KCNAB2: variants seen among roughly 807,000 people sequenced by gnomAD.
KCNAB2 encodes the protein potassium voltage-gated channel subfamily A regulatory beta subunit 2, also known as voltage-gated potassium channel subunit beta-2.
KCNAB2 carries 29 observed loss-of-function variants against 63.6 expected under a neutral mutation model. The ratio of observed to expected loss-of-function variants is 0.46; its 90% CI spans 0.34 to 0.62. The LOEUF is 0.62. Among genes scored for constraint, KCNAB2 ranks in the 20% least tolerant of loss-of-function variants. The probability of loss-of-function intolerance (pLI) is 0.01; values close to 1 mark genes in which losing one functional copy is unlikely to be tolerated. For synonymous variants in KCNAB2, 222 were observed against 224.2 expected (o/e 0.99, Z 0.09); for missense variants, 359 against 563.9 (o/e 0.64, Z 3.68).
Position 6,051,694 on chromosome 1 carries a change from T to C in KCNAB2, c.158T>C (p.Leu53Pro), listed in dbSNP as rs1290535823. Residue 53 changes from leucine to proline, a missense_variant, in exon 2 of 16, where the codon CTC becomes CCC. This residue lies in a region of KCNAB2 where 88 missense variants were observed against 87.8 expected (regional missense o/e 1.00). Transcript: ENST00000378083. Reference protein sequence around the residue: ...AAQARNMESFLRMHGLSLDGC... With the variant: ...AAQARNMESFPRMHGLSLDGC... ...CAGGCCAGGAACATGGAGAGCTTCCTCCGCATGCACGGCCTTTCCCTGGAC... is the reference window on the plus strand; with the variant it reads ...CAGGCCAGGAACATGGAGAGCTTCCCCCGCATGCACGGCCTTTCCCTGGAC... 2.0e-6 allele frequency: 3 copies of C among 1,533,692 alleles called. No homozygotes were observed. The highest frequency in any genetic ancestry group is 2.0e-5 in the Admixed American group (1 of 50,974).
Position 6,065,306 on chromosome 1 carries a change from C to T in KCNAB2, c.219-7449C>T, listed in dbSNP as rs549440886. Reference sequence around the variant, plus strand: ...GCAGCTGTCAGCCCGGAGCAGCCAGCGATGGCCTCAGGGGACCAGCCAAGG... The same window carrying T: ...GCAGCTGTCAGCCCGGAGCAGCCAGTGATGGCCTCAGGGGACCAGCCAAGG... On this transcript the variant is annotated intron_variant, in intron 2 of 15. Transcript: ENST00000378083. Among the ~76,000 whole-genome samples, 14 of 152,356 alleles carry T rather than the reference C, an allele frequency of 9.2e-5. No homozygotes were observed. In the East Asian group the frequency reaches 2.3e-3, roughly 25 times the overall value.
chr1:6,039,322 A>T (rs1235402623), intron 1 of KCNAB2, among the ~76,000 whole-genome samples: 3 of 152,228 alleles, frequency 2.0e-5, no homozygotes, highest in Admixed American at 6.5e-5. Flanking sequence ...ATGGGACCAG[A>T]TTCACTTTGG....
In KCNAB2 at chr1:5,994,787, C is replaced by G. The variant is rs553305156; in HGVS notation, c.-53+1999C>G. The stretch of plus-strand genomic sequence containing the variant: ...AAAGGCCGAGGGTGCCATGGGCTGG[C>G]CAGCTAGAGAAGGCTTCCTCGCTTT... On this transcript the variant is annotated intron_variant, in intron 1 of 16. Coordinates refer to the KCNAB2 transcript ENST00000341524. This position sits in a 1 kb window ranked among gnomAD's most constrained non-coding sequence, Gnocchi z 5.4. Among the ~76,000 whole-genome samples, 1 of 152,150 alleles carries G rather than the reference C, an allele frequency of 6.6e-6. No individual in the cohort carries two copies. The highest frequency in any genetic ancestry group is 1.5e-5 in the Non-Finnish European group (1 of 68,036).
At position 6,069,629 on chromosome 1, in the gene KCNAB2, G is replaced by C. The variant is rs964083637; in HGVS notation, c.219-3126G>C. Among the ~76,000 whole-genome samples the C allele has an allele frequency of 2.0e-5, 3 of 152,196 alleles. No homozygotes were observed. Among genetic ancestry groups the C allele is most frequent in the African/African-American group, 7.2e-5 (3 of 41,440 alleles). Reference sequence around the variant, plus strand: ...CGGTAGAAAATGATCTCTGTGTCTGGGAAGTTTCAAGTACAGCAGGGAGCA... The same window carrying C: ...CGGTAGAAAATGATCTCTGTGTCTGCGAAGTTTCAAGTACAGCAGGGAGCA... On this transcript the variant is annotated intron_variant, in intron 2 of 15. Coordinates refer to ENST00000378083, the MANE Select transcript of KCNAB2 (RefSeq NM_001199862.2). This position sits in a 1 kb window ranked among gnomAD's most constrained non-coding sequence, Gnocchi z 5.4.
intron 1 of KCNAB2, chr1:6,040,476 C>A: frequency 1.8e-6 from 2 of 1,105,134 alleles, no homozygotes; most frequent in Non-Finnish European, 2.8e-6. Flanking sequence ...TCTTTTTTAA[C>A]CACCACCCTC....
Position 6,069,073 on chromosome 1 carries a change from G to A in KCNAB2, c.219-3682G>A, listed in dbSNP as rs957428712. 1.3e-5 allele frequency among the ~76,000 whole-genome samples: 2 copies of A among 152,164 alleles called. No homozygotes were observed. Among genetic ancestry groups the A allele is most frequent in the African/African-American group, 4.8e-5 (2 of 41,446 alleles). On this transcript the variant is annotated intron_variant, in intron 2 of 15. Transcript: ENST00000378083. The surrounding 1 kb of genome is among the most constrained non-coding windows in gnomAD (Gnocchi z 5.4). ...ATCGTCCCAAACAAGCACTCCCTGG[G>A]ACCCTGCCACTGCCAGCTCCAATTA...
At chr1:6,040,964 C>T (rs576718248), upstream of KCNAB2, among the ~76,000 whole-genome samples, 2 of 152,362 alleles carry the variant, frequency 1.3e-5, no homozygotes, top group South Asian at 2.1e-4. Context: ...AGTGAGTGCA[C>T]GGCCAACCCC....
rs74520902 is a variant in KCNAB2, at chr1:6,050,909, T to C, written c.-26-602T>C. 1.4e-3 allele frequency among the ~76,000 whole-genome samples: 209 copies of C among 152,338 alleles called. 3 individuals are homozygous for C. The East Asian group carries it at 0.034, about 25-fold the overall frequency. On this transcript the variant is annotated intron_variant, in intron 1 of 15. Transcript: ENST00000378083. ...ATGCGTTCAACAAGCAGGGAATGTG[T>C]TGTATAGATAGCATTTCCCTTTACA...
rs1663037451 is a variant in KCNAB2, at chr1:6,069,679, G to A, written c.219-3076G>A. On this transcript the variant is annotated intron_variant, in intron 2 of 15. Transcript: ENST00000378083. This position sits in a 1 kb window ranked among gnomAD's most constrained non-coding sequence, Gnocchi z 5.4. ...AGCCCCATCCAGACCCGGCTGAGAC[G>A]TGTGCTCCCCACCCCACACGCAGCA... is the stretch of plus-strand genomic sequence containing the variant. 1.3e-5 allele frequency among the ~76,000 whole-genome samples: 2 copies of A among 152,176 alleles called. No individual in the cohort carries two copies. Among genetic ancestry groups the A allele is most frequent in the South Asian group, 2.1e-4 (1 of 4,820 alleles).
chr1:6,082,310 A>G (rs772230846), intron 5 of KCNAB2, 36 bp downstream of exon 5: 1 of 1,537,018 alleles, frequency 6.5e-7, no homozygotes, highest in African/African-American at 1.4e-5. Flanking sequence ...AGTGGTTCAG[A>G]ATGCCTGGGC....
Position 6,003,292 on chromosome 1 carries a change from A to C in KCNAB2, c.-53+10504A>C, listed in dbSNP as rs568780359. 6.6e-6 allele frequency among the ~76,000 whole-genome samples: 1 copy of C among 152,170 alleles called. No individual in the cohort carries two copies. The highest frequency in any genetic ancestry group is 1.9e-4 in the East Asian group (1 of 5,152). ...GCGGGATTCCCCATCCCACCCCTGGAACTTGCTTTCCCTGCTTCCCACACA... is the reference window on the plus strand; with the variant it reads ...GCGGGATTCCCCATCCCACCCCTGGCACTTGCTTTCCCTGCTTCCCACACA... On this transcript the variant is annotated intron_variant, in intron 1 of 16. Coordinates refer to the KCNAB2 transcript ENST00000341524. This position sits in a 1 kb window ranked among gnomAD's most constrained non-coding sequence, Gnocchi z 4.1.
chr1:6,062,330 C>G (rs1195431831), intron 2 of KCNAB2, among the ~76,000 whole-genome samples: 1 of 151,714 alleles, frequency 6.6e-6, no homozygotes, highest in Non-Finnish European at 1.5e-5. Flanking sequence ...AAAAAAAAGT[C>G]CAGTGTCTCT....
chr1:6,048,901 G>A (rs951601771), intron 1 of KCNAB2, among the ~76,000 whole-genome samples: 1 of 152,232 alleles, frequency 6.6e-6, no homozygotes, highest in African/African-American at 2.4e-5. Flanking sequence ...GTCTGTGGGT[G>A]CCAAGGGCCT....
At chr1:6,008,611 C>T (rs188688431) in intron 1 of KCNAB2, among the ~76,000 whole-genome samples, 2 of 114,236 alleles carry the variant, frequency 1.8e-5, no homozygotes, top group African/African-American at 3.5e-5. Flanking sequence ...GGAGACGGAG[C>T]GAGACTGTCT....
rs979180358 is a variant in KCNAB2 at position 6,089,103 on chromosome 1, C to T, written c.514+52C>T. ...GCCCCCATACCTGTGGGATCATCCTCGGAGGCCAAAGTGATGGCAGCACAG... is the reference window on the plus strand; with the variant it reads ...GCCCCCATACCTGTGGGATCATCCTTGGAGGCCAAAGTGATGGCAGCACAG... On this transcript the variant is annotated intron_variant, in intron 8 of 15. Coordinates refer to ENST00000378083, the MANE Select transcript of KCNAB2 (RefSeq NM_001199862.2). The T allele has an allele frequency of 2.4e-5, 37 of 1,522,722 alleles. No individual in the cohort carries two copies. In the East Asian group the frequency reaches 5.9e-4, roughly 24 times the overall value. 94.3% of individuals were successfully genotyped at this position (1,522,722 alleles called of 1,614,324 possible). A position where few individuals can be genotyped will look rare whatever the true frequency, so the allele number is the denominator to read the frequency against.
Position 6,070,277 on chromosome 1 carries a change from G to C in KCNAB2, c.219-2478G>C, listed in dbSNP as rs560668674. On this transcript the variant is annotated intron_variant, in intron 2 of 15. Transcript: ENST00000378083. ...AAGGGGTTATGACCCCAAAGCAGCT[G>C]AGAGGCACTGATCAGAACCTCCAGC... Among the ~76,000 whole-genome samples the C allele has an allele frequency of 2.0e-5, 3 of 152,340 alleles. No homozygotes were observed. In the South Asian group the frequency reaches 6.2e-4, roughly 32 times the overall value.
chr1:6,009,257 G>A (rs1658004228), intron 1 of KCNAB2, among the ~76,000 whole-genome samples: 3 of 152,236 alleles, frequency 2.0e-5, no homozygotes, highest in African/African-American at 7.2e-5. Flanking sequence ...AGCGGCAGGA[G>A]GCCCGCCTGG....
chr1:6,012,101 A>T (rs911932664), intron 1 of KCNAB2, among the ~76,000 whole-genome samples: 1 of 134,882 alleles, frequency 7.4e-6, no homozygotes, highest in Non-Finnish European at 1.6e-5. Flanking sequence ...ATGAAAGTAG[A>T]GATGATGGGT....
intron 1 of KCNAB2, among the ~76,000 whole-genome samples, chr1:6,025,024 C>T (rs569513949): frequency 6.6e-6 from 1 of 152,318 alleles, no homozygotes; most frequent in Admixed American, 6.5e-5. Flanking sequence ...CGTCATGGCG[C>T]CTCGCTCTTT....
Sources: gnomAD v4.1 joint callset for allele counts (sites outside exome capture counted in the v4.1 genomes callset) on GRCh38, gnomAD v4.1.1 for gene constraint, gnomAD v4.1.1 regional missense constraint, Gnocchi (gnomAD v3.1) non-coding constraint, MANE v1.5 for transcripts, NCBI Gene and HGNC (gene_info 2026-07-23, HGNC 2026-07-21) for gene names.